Variants in SEPHS1 observed in about 807,000 individuals in gnomAD.
The protein encoded by SEPHS1 is selenophosphate synthetase 1, also known as zincore component SEPHS1.
Under a neutral mutation model 39.2 loss-of-function variants are expected in SEPHS1, and 7 were observed. That is an observed-to-expected ratio of 0.18 (90% CI 0.10 to 0.34). SEPHS1 has a LOEUF of 0.34. Ranked by LOEUF, SEPHS1 falls within the 10% of genes least tolerant of loss-of-function variation. The pLI, the probability that SEPHS1 is intolerant of heterozygous loss-of-function variation, is 1.00. For synonymous variants in SEPHS1, 190 were observed against 195.5 expected (o/e 0.97, Z 0.23); for missense variants, 253 against 514.5 (o/e 0.49, Z 4.92).
At chr10:13,347,444 G>GGGCGGA (rs1167358327) in intron 1 of SEPHS1, 4 of 149,814 alleles carry the variant, frequency 2.7e-5, no homozygotes, top group African/African-American at 9.7e-5. Context: ...GCCGGCGGCG[G>GGGCGGA]GGCGGAGGCG....
At chr10:13,331,151 A>G (rs1048343228) in intron 5 of SEPHS1, among the ~76,000 whole-genome samples, 18 of 152,214 alleles carry the variant, frequency 1.2e-4, no homozygotes, top group Admixed American at 6.5e-4. Flanking sequence ...ATCTCCCTGC[A>G]AAGTACATGA....
intron 5 of SEPHS1, among the ~76,000 whole-genome samples, chr10:13,332,299 T>C (rs1833496425): frequency 6.6e-6 from 1 of 152,240 alleles, no homozygotes; most frequent in African/African-American, 2.4e-5. Context: ...ATTCCATTTC[T>C]ATACAATGTC....
chr10:13,331,990 T>G (rs899147061), intron 5 of SEPHS1, among the ~76,000 whole-genome samples: 1 of 152,224 alleles, frequency 6.6e-6, no homozygotes, highest in Non-Finnish European at 1.5e-5. Context: ...AGTCTGATGA[T>G]TCCTCAAGTT....
In SEPHS1 at chr10:13,348,129, G is replaced by A. The variant is rs1218844701; in HGVS notation, c.-208C>T. 1.4e-5 allele frequency: 2 copies of A among 145,248 alleles called. No homozygotes were observed. The highest frequency in any genetic ancestry group is 3.1e-5 in the Non-Finnish European group (2 of 65,470). 9.0% of individuals were successfully genotyped at this position (145,248 alleles called of 1,614,324 possible). A position where few individuals can be genotyped will look rare whatever the true frequency, so the allele number is the denominator to read the frequency against. ...TGCCGCGCCCGGCGGCGGCGGCGGC[G>A]GCGGGGGCCCGGGCCCGCGCCTGGG... On this transcript the variant is annotated 5_prime_UTR_variant, in exon 1 of 9. Coordinates refer to ENST00000327347, the MANE Select transcript of SEPHS1 (RefSeq NM_012247.5).
intron 2 of SEPHS1, among the ~76,000 whole-genome samples, chr10:13,341,801 A>T (rs1378392683): frequency 6.6e-6 from 1 of 151,694 alleles, no homozygotes; most frequent in Non-Finnish European, 1.5e-5. Context: ...TATTAAAAAT[A>T]CAAAAAAATT....
At chr10:13,345,100 T>C (rs1368587596) in intron 1 of SEPHS1, 72 bp from the exon 2 acceptor site, 3 of 628,940 alleles carry the variant, frequency 4.8e-6, no homozygotes, top group African/African-American at 3.7e-5. Flanking sequence ...ATCAAGTGAA[T>C]ACATGACAGC....
At chr10:13,337,403 C>T (rs3802580) in intron 3 of SEPHS1, among the ~76,000 whole-genome samples, 1 of 152,038 alleles carries the variant, frequency 6.6e-6, no homozygotes, top group Non-Finnish European at 1.5e-5. Flanking sequence ...TTAAGTTGCC[C>T]TTATCTAAAT....
At chr10:13,331,489 C>A (rs1471905727) in intron 5 of SEPHS1, among the ~76,000 whole-genome samples, 1 of 152,100 alleles carries the variant, frequency 6.6e-6, no homozygotes, top group Non-Finnish European at 1.5e-5. Context: ...GGGTTCAAAC[C>A]ACTCTCCTCA....
intron 4 of SEPHS1, 23 bp downstream of exon 4, chr10:13,336,220 G>T: frequency 6.5e-7 from 1 of 1,530,648 alleles, no homozygotes; most frequent in Non-Finnish European, 9.0e-7. Flanking sequence ...GGACCAGGCA[G>T]CAGCCGGGTA....
intron 8 of SEPHS1, among the ~76,000 whole-genome samples, chr10:13,321,253 C>CTTT (rs35387458): frequency 6.7e-6 from 1 of 148,674 alleles, no homozygotes. Context: ...GTGTATTTTT[C>CTTT]TTTTTTTTTT....
chr10:13,318,241 G>T lies in SEPHS1; in HGVS notation c.*901C>A, dbSNP rs998806763. ...TAGGCCAAACAGCTGCTGATTTTAA[G>T]AAAACAAAAGGCCTGAAATCACTGT... On this transcript the variant is annotated 3_prime_UTR_variant, in exon 9 of 9. Coordinates refer to ENST00000327347, the MANE Select transcript of SEPHS1 (RefSeq NM_012247.5). The T allele has an allele frequency of 3.3e-5, 5 of 152,496 alleles. No homozygotes were observed. The East Asian group carries it at 9.6e-4, about 29-fold the overall frequency. 9.4% of individuals were successfully genotyped at this position (152,496 alleles called of 1,614,324 possible).
At chr10:13,342,234 T>G (rs914698481) in intron 2 of SEPHS1, among the ~76,000 whole-genome samples, 4 of 147,072 alleles carry the variant, frequency 2.7e-5, no homozygotes, top group Non-Finnish European at 5.9e-5. Context: ...GCCACTGCAC[T>G]CCAGCCTGGG....
chr10:13,326,421 C>T (rs942462865), intron 7 of SEPHS1, among the ~76,000 whole-genome samples: 1 of 151,406 alleles, frequency 6.6e-6, no homozygotes, highest in Non-Finnish European at 1.5e-5. Context: ...TTGCGGTGAG[C>T]CAAGATCCTG....
intron 5 of SEPHS1, among the ~76,000 whole-genome samples, chr10:13,331,764 C>T (rs1833479142): frequency 6.6e-6 from 1 of 152,202 alleles, no homozygotes; most frequent in Non-Finnish European, 1.5e-5. Flanking sequence ...AAAGAAGATA[C>T]ACAAATGGGT....
intron 2 of SEPHS1, 65 bp from the exon 3 acceptor site, chr10:13,338,873 C>T (rs1383138022): frequency 1.7e-6 from 2 of 1,165,914 alleles, no homozygotes; most frequent in Non-Finnish European, 2.6e-6. Flanking sequence ...TTTATATCAC[C>T]AGTGCTCTGA....
At chr10:13,325,285 T>G (rs556355587) in intron 7 of SEPHS1, among the ~76,000 whole-genome samples, 1 of 152,324 alleles carries the variant, frequency 6.6e-6, no homozygotes, top group African/African-American at 2.4e-5. Flanking sequence ...ATTGTTGTGT[T>G]TTATTTAGGT....
At chr10:13,319,979 A>G (rs1387618914) in intron 8 of SEPHS1, among the ~76,000 whole-genome samples, 1 of 152,210 alleles carries the variant, frequency 6.6e-6, no homozygotes, top group Non-Finnish European at 1.5e-5. Context: ...ATTGACAAAC[A>G]AAAGGGAACT....
At chr10:13,322,361 G>GTCTTCAACTCCTGATCTCAC (rs2131685833) in intron 8 of SEPHS1, among the ~76,000 whole-genome samples, 1 of 151,994 alleles carries the variant, frequency 6.6e-6, no homozygotes, top group African/African-American at 2.4e-5. Flanking sequence ...GGCCAGGCTG[G>GTCTTCAACTCCTGATCTCAC]TCTTCAACTC....
intron 7 of SEPHS1, among the ~76,000 whole-genome samples, chr10:13,326,718 G>A (rs942431580): frequency 1.3e-5 from 2 of 151,970 alleles, no homozygotes; most frequent in Non-Finnish European, 2.9e-5. Context: ...CTAAAGAGAC[G>A]AGATGGGGTC....
Sources: allele counts gnomAD v4.1 joint callset (sites outside exome capture counted in the v4.1 genomes callset), GRCh38; gene constraint gnomAD v4.1.1; transcripts MANE v1.5; gene names NCBI Gene and HGNC (gene_info 2026-07-23, HGNC 2026-07-21).